UNC13C: variants seen among roughly 807,000 people sequenced by gnomAD.
UNC13C encodes protein unc-13 homolog C.
A neutral mutation model predicts 245.4 loss-of-function variants in UNC13C; 174 were observed. That is an observed-to-expected ratio of 0.71 (90% CI 0.63 to 0.80). The LOEUF (loss-of-function observed/expected upper bound fraction) is 0.80, where lower values mean the gene tolerates loss of function less well. UNC13C is among the 30% of genes least tolerant of loss of function. The pLI is 0.00. For synonymous variants in UNC13C, 992 were observed against 895.1 expected (o/e 1.11, Z -1.93); for missense variants, 2,829 against 2,602.9 (o/e 1.09, Z -1.89).
rs34852442 is a variant in UNC13C at position 54,293,979 on chromosome 15, CA to C, written c.3908del (p.Lys1303ArgfsTer12). The stretch of plus-strand genomic sequence containing the variant: ...TTAAATCCAGAGTCAAGCAACATTT[CA>C]AAAAGGAGTCAGATGATTTTCTGGG... ...DIKSRVKQHF[K>X]KESDDFLGQT... On this transcript the variant is annotated frameshift_variant, in exon 11 of 33. Coordinates refer to ENST00000260323, the MANE Select transcript of UNC13C (RefSeq NM_001080534.3). LOFTEE classifies it high-confidence loss of function. 1.9e-6 allele frequency: 3 copies of C among 1,593,252 alleles called. No homozygotes were observed. The highest frequency in any genetic ancestry group is 2.6e-6 in the Non-Finnish European group (3 of 1,170,860).
At chr15:54,245,394 G>C (rs1377609891) in intron 7 of UNC13C, among the ~76,000 whole-genome samples, 3 of 151,978 alleles carry the variant, frequency 2.0e-5, no homozygotes, top group African/African-American at 7.2e-5. Context: ...AAGTTTCTTA[G>C]GACAATGTTA....
intron 1 of UNC13C, among the ~76,000 whole-genome samples, chr15:54,004,868 C>T (rs999035660): frequency 6.6e-6 from 1 of 152,102 alleles, no homozygotes; most frequent in African/African-American, 2.4e-5. Context: ...GATTTTCTTC[C>T]TGTAGAGTTG....
chr15:54,402,812 C>T (rs2040214608), intron 18 of UNC13C, among the ~76,000 whole-genome samples: 1 of 151,944 alleles, frequency 6.6e-6, no homozygotes. Context: ...CAAAAGGATC[C>T]CATAAATAAG....
chr15:54,620,651 C>CGGTCCATACTTCTAGTCCCA (rs1900739962), intron 30 of UNC13C, among the ~76,000 whole-genome samples: 1 of 151,868 alleles, frequency 6.6e-6, no homozygotes, highest in Non-Finnish European at 1.5e-5. Flanking sequence ...CCAGGCATGG[C>CGGTCCATACTTCTAGTCCCA]GGTCCATACT....
intron 2 of UNC13C, among the ~76,000 whole-genome samples, chr15:54,042,564 CT>C (rs1896850252): frequency 6.6e-6 from 1 of 152,202 alleles, no homozygotes; most frequent in Non-Finnish European, 1.5e-5. Context: ...TTAGAAACCA[CT>C]TACTGAGGCC....
intron 10 of UNC13C, among the ~76,000 whole-genome samples, chr15:54,283,083 G>C (rs947008090): frequency 2.0e-5 from 3 of 152,150 alleles, no homozygotes; most frequent in African/African-American, 7.2e-5. Context: ...TCAGTCAGAG[G>C]ATAGCACATC....
At chr15:54,179,540 CTATAAA>C (rs1248797299) in intron 4 of UNC13C, among the ~76,000 whole-genome samples, 1 of 151,792 alleles carries the variant, frequency 6.6e-6, no homozygotes, top group Non-Finnish European at 1.5e-5. Context: ...AGAGAAGATA[CTATAAA>C]TATAATTAGA....
intron 17 of UNC13C, among the ~76,000 whole-genome samples, chr15:54,374,360 C>G (rs1377598740): frequency 1.3e-5 from 2 of 152,036 alleles, no homozygotes. Context: ...CACCTGCAGG[C>G]CTACACCAAG....
chr15:54,453,062 G>A (rs1268676822), intron 19 of UNC13C, among the ~76,000 whole-genome samples: 1 of 152,122 alleles, frequency 6.6e-6, no homozygotes, highest in East Asian at 1.9e-4. Context: ...GCTGCTTAGG[G>A]CTTGAGTTTC....
rs146622464 is a variant in UNC13C, at chr15:54,112,549, T to C, written c.2984-30469T>C. Among the ~76,000 whole-genome samples the C allele has an allele frequency of 1.4e-3, 220 of 152,336 alleles. 1 individual carries two copies. Among genetic ancestry groups the C allele is most frequent in the Middle Eastern group, 6.8e-3 (2 of 294 alleles). On this transcript the variant is annotated intron_variant, in intron 2 of 32. Transcript: ENST00000260323. ...TACACATGGTTGATAAAAGGAAAGA[T>C]GGAACTGTCATGTTGAATATGTCTA...
intron 8 of UNC13C, among the ~76,000 whole-genome samples, chr15:54,259,069 G>A (rs7172577): frequency 0.35 from 53,708 of 152,172 alleles, 9,900 homozygotes; most frequent in Middle Eastern, 0.41. Flanking sequence ...CATAGTAGAA[G>A]GGGCAAGTGA....
chr15:54,363,178 G>A (rs1029307628), intron 17 of UNC13C, among the ~76,000 whole-genome samples: 1 of 152,154 alleles, frequency 6.6e-6, no homozygotes, highest in African/African-American at 2.4e-5. Flanking sequence ...GCACGATCTC[G>A]GCTCACTGCA....
At chr15:54,006,328 C>T (rs983701265) in intron 1 of UNC13C, among the ~76,000 whole-genome samples, 1 of 152,124 alleles carries the variant, frequency 6.6e-6, no homozygotes, top group African/African-American at 2.4e-5. Context: ...AAAGAGTATG[C>T]TTGAGTCATT....
intron 4 of UNC13C, among the ~76,000 whole-genome samples, chr15:54,223,811 T>C (rs916961455): frequency 1.3e-5 from 2 of 152,056 alleles, no homozygotes; most frequent in African/African-American, 2.4e-5. Context: ...CTTCAATTTC[T>C]TGCATCAATG....
chr15:53,981,096 A>C (rs1477626257), intron 1 of UNC13C, among the ~76,000 whole-genome samples: 1 of 152,116 alleles, frequency 6.6e-6, no homozygotes, highest in Non-Finnish European at 1.5e-5. Context: ...GTTTTTTGTA[A>C]TATCAGACAC....
intron 4 of UNC13C, among the ~76,000 whole-genome samples, chr15:54,232,904 T>C (rs1278887401): frequency 2.0e-5 from 3 of 152,098 alleles, no homozygotes; most frequent in African/African-American, 4.8e-5. Context: ...CCTTTTTCCA[T>C]GTATTTGATG....
At chr15:54,518,305 C>A (rs1272710783) in intron 24 of UNC13C, among the ~76,000 whole-genome samples, 1 of 152,108 alleles carries the variant, frequency 6.6e-6, no homozygotes, top group Non-Finnish European at 1.5e-5. Flanking sequence ...CGAGCCATGT[C>A]AAAATGAAAT....
intron 4 of UNC13C, among the ~76,000 whole-genome samples, chr15:54,188,197 C>G (rs1055335313): frequency 6.6e-6 from 1 of 152,066 alleles, no homozygotes; most frequent in Non-Finnish European, 1.5e-5. Flanking sequence ...TGAATACATT[C>G]TTATTTCATA....
At chr15:54,019,171 T>C (rs1434536871) in intron 2 of UNC13C, among the ~76,000 whole-genome samples, 1 of 152,234 alleles carries the variant, frequency 6.6e-6, no homozygotes, top group Admixed American at 6.5e-5. Flanking sequence ...TGCTGAAAAC[T>C]TACCTAGCTT....
Sources: gnomAD v4.1 joint callset for allele counts (sites outside exome capture counted in the v4.1 genomes callset) on GRCh38, gnomAD v4.1.1 for gene constraint, MANE v1.5 for transcripts, NCBI Gene and HGNC (gene_info 2026-07-23, HGNC 2026-07-21) for gene names.